Variants in TESC observed in about 807,000 individuals in gnomAD.
The protein encoded by TESC is calcineurin B homologous protein 3.
A neutral mutation model predicts 31.0 loss-of-function variants in TESC; 19 were observed. The observed-to-expected ratio is 0.61, with a 90% CI of 0.43 to 0.90. TESC has a LOEUF of 0.90. Among genes scored for constraint, TESC ranks in the 40% least tolerant of loss-of-function variants. The pLI, the probability that TESC is intolerant of heterozygous loss-of-function variation, is 0.00. For synonymous variants in TESC, 109 were observed against 114.8 expected, an observed-to-expected ratio of 0.95 and a Z score of 0.32; for missense variants, 248 against 303.8, an observed-to-expected ratio of 0.82 and a Z score of 1.36.
At chr12:117,068,842 T>C (rs1295227865) in intron 2 of TESC, among the ~76,000 whole-genome samples, 1 of 152,268 alleles carries the variant, frequency 6.6e-6, no homozygotes, top group Non-Finnish European at 1.5e-5. Context: ...ATTTCTGGCA[T>C]TTATAAGCCT....
intron 3 of TESC, among the ~76,000 whole-genome samples, chr12:117,050,111 AT>A (rs1954626135): frequency 6.7e-6 from 1 of 150,208 alleles, no homozygotes; most frequent in Non-Finnish European, 1.5e-5. Context: ...CGGTTTTCAC[AT>A]TTTTAAATAG....
rs565873232 is a variant in TESC at position 117,090,927 on chromosome 12, C to G, written c.58+8298G>C. On this transcript the variant is annotated intron_variant, in intron 1 of 7. Transcript: ENST00000335209. ...GCCCACCTTTGGCCTCTACAGCCCC[C>G]CTTTGAGGACTGCTGTCTCCGGCCT... Among the ~76,000 whole-genome samples, 6 of 152,330 alleles carry G rather than the reference C, an allele frequency of 3.9e-5. No individual in the cohort carries two copies. The South Asian group carries it at 8.3e-4, about 21-fold the overall frequency.
chr12:117,087,538 C>T (rs1955233842), intron 1 of TESC, among the ~76,000 whole-genome samples: 1 of 152,204 alleles, frequency 6.6e-6, no homozygotes, highest in Non-Finnish European at 1.5e-5. Flanking sequence ...ATCTACTCTT[C>T]TCTCATGAGC....
intron 1 of TESC, among the ~76,000 whole-genome samples, chr12:117,096,801 T>A (rs1955402242): frequency 6.6e-6 from 1 of 152,150 alleles, no homozygotes; most frequent in Non-Finnish European, 1.5e-5. Context: ...TGTGTCCTCA[T>A]CTCATGCATT....
chr12:117,068,064 A>C (rs548161471), intron 2 of TESC, among the ~76,000 whole-genome samples: 1 of 152,142 alleles, frequency 6.6e-6, no homozygotes, highest in African/African-American at 2.4e-5. Context: ...GCTCATTTTT[A>C]AATTTTTTTT....
chr12:117,097,333 G>A (rs1378676412), intron 1 of TESC, among the ~76,000 whole-genome samples: 1 of 152,144 alleles, frequency 6.6e-6, no homozygotes, highest in Non-Finnish European at 1.5e-5. Flanking sequence ...CAGGAACACA[G>A]CATCTGTCAT....
intron 1 of TESC, among the ~76,000 whole-genome samples, chr12:117,087,585 C>T (rs1457429098): frequency 2.0e-5 from 3 of 152,184 alleles, no homozygotes; most frequent in Admixed American, 6.5e-5. Context: ...AGTGGGTGCT[C>T]GTGACTTTAA....
Position 117,049,149 on chromosome 12 carries a change from G to A in TESC, c.219C>T (p.Arg73=), listed in dbSNP as rs775721872. Residue 73 remains arginine (R), a synonymous_variant, in exon 4 of 8, where the codon CGC becomes CGT. Coordinates refer to ENST00000335209, the MANE Select transcript of TESC (RefSeq NM_017899.4). ...VRAFFDNRNL[R]KGPSGLADEI... is the part of the protein sequence containing the mutation. Reference sequence around the variant, plus strand: ...CATCAGCCAGGCCACTGGGTCCCTTGCGCAGGTTCCTACGGGAGCAACAAG... The same window carrying A: ...CATCAGCCAGGCCACTGGGTCCCTTACGCAGGTTCCTACGGGAGCAACAAG... 6.2e-7 allele frequency: 1 copy of A among 1,614,238 alleles called. No homozygotes were observed. The highest frequency in any genetic ancestry group is 2.2e-5 in the East Asian group (1 of 44,890).
intron 3 of TESC, among the ~76,000 whole-genome samples, chr12:117,053,161 G>A (rs568539079): frequency 1.3e-5 from 2 of 152,292 alleles, no homozygotes; most frequent in South Asian, 2.1e-4. Context: ...TGAGGTCCCT[G>A]CCCCCTCCTT....
intron 7 of TESC, among the ~76,000 whole-genome samples, chr12:117,040,337 T>C (rs1375566214): frequency 6.6e-6 from 1 of 152,080 alleles, no homozygotes; most frequent in African/African-American, 2.4e-5. Flanking sequence ...GGTGGCAACA[T>C]GGTCGCTGAG....
chr12:117,065,812 G>A (rs868197212), intron 2 of TESC, among the ~76,000 whole-genome samples: 13 of 152,242 alleles, frequency 8.5e-5, no homozygotes, highest in Middle Eastern at 3.4e-3. Flanking sequence ...AGCCTGGGTG[G>A]TTGAGGCTGC....
At chr12:117,066,664 C>T (rs1954888826) in intron 2 of TESC, among the ~76,000 whole-genome samples, 1 of 152,124 alleles carries the variant, frequency 6.6e-6, no homozygotes, top group African/African-American at 2.4e-5. Context: ...CATGCCCAGC[C>T]AACCTTAGTA....
rs932232911 is a variant in TESC at position 117,046,685 on chromosome 12, A to G, written c.412-19T>C. The G allele has an allele frequency of 2.6e-6, 4 of 1,552,086 alleles. No individual in the cohort carries two copies. The highest frequency in any genetic ancestry group is 3.5e-6 in the Non-Finnish European group (4 of 1,147,186). Reference sequence around the variant, plus strand: ...CGACCACCTGCCAGGTGGGGCGGAAACAAACGGTGACCTTGGGCCTCCATC... The same window carrying G: ...CGACCACCTGCCAGGTGGGGCGGAAGCAAACGGTGACCTTGGGCCTCCATC... On this transcript the variant is annotated intron_variant, in intron 5 of 7. Coordinates refer to ENST00000335209, the MANE Select transcript of TESC (RefSeq NM_017899.4).
intron 2 of TESC, among the ~76,000 whole-genome samples, chr12:117,072,413 C>T (rs1045139721): frequency 6.6e-6 from 1 of 152,160 alleles, no homozygotes; most frequent in Non-Finnish European, 1.5e-5. Context: ...CAAATCAAAT[C>T]CCAAGTGACC....
chr12:117,059,758 A>C (rs1333330489), intron 2 of TESC, among the ~76,000 whole-genome samples: 1 of 152,046 alleles, frequency 6.6e-6, no homozygotes. Flanking sequence ...ACGCCCAGCT[A>C]ACTTCTGTAT....
chr12:117,051,226 T>C (rs1954643190), intron 3 of TESC, among the ~76,000 whole-genome samples: 1 of 152,228 alleles, frequency 6.6e-6, no homozygotes, highest in South Asian at 2.1e-4. Context: ...CAATTCTCTC[T>C]TTAGAGGTTC....
intron 1 of TESC, among the ~76,000 whole-genome samples, chr12:117,094,014 G>A (rs1007442238): frequency 1.3e-5 from 2 of 152,072 alleles, no homozygotes; most frequent in African/African-American, 2.4e-5. Context: ...TTCCCAAGAA[G>A]CCCTTCTCTC....
intron 3 of TESC, 151 bp downstream of exon 3, chr12:117,056,655 C>G: frequency 1.3e-6 from 1 of 771,010 alleles, no homozygotes; most frequent in Non-Finnish European, 2.2e-6. Flanking sequence ...CCAGAATGGT[C>G]CAACCCCAAA....
At chr12:117,049,184 G>A (rs1278638246) in intron 3 of TESC, 26 bp from the exon 4 acceptor site, 2 of 1,613,828 alleles carry the variant, frequency 1.2e-6, no homozygotes, top group Non-Finnish European at 1.7e-6. Flanking sequence ...GGAGGGTGTT[G>A]GAAATAAATG....
Sources: allele counts gnomAD v4.1 joint callset (sites outside exome capture counted in the v4.1 genomes callset), GRCh38; gene constraint gnomAD v4.1.1; transcripts MANE v1.5; gene names NCBI Gene and HGNC (gene_info 2026-07-23, HGNC 2026-07-21).